The following ZNF417 variants were observed in gnomAD, a reference collection of about 807,000 sequenced individuals.
The protein encoded by ZNF417 is zinc finger protein 417.
Under a neutral mutation model 7.4 loss-of-function variants are expected in ZNF417, and 5 were observed. The observed-to-expected ratio is 0.68, with a 90% CI of 0.35 to 1.43. The LOEUF (loss-of-function observed/expected upper bound fraction) is 1.43, where lower values mean the gene tolerates loss of function less well. ZNF417 is among the 40% of genes most tolerant of loss of function. The pLI, the probability that ZNF417 is intolerant of heterozygous loss-of-function variation, is 0.04. For missense variants in ZNF417, 437 were observed against 697.3 expected (o/e 0.63, Z 4.20); for synonymous variants, 147 against 239.1 (o/e 0.61, Z 3.55).
rs867838874 is a variant in ZNF417 at position 57,906,576 on chromosome 19, C to T, written c.*1974G>A. 1.9e-4 allele frequency among the ~76,000 whole-genome samples: 29 copies of T among 151,250 alleles called. No homozygotes were observed. Among genetic ancestry groups the T allele is most frequent in the African/African-American group, 6.6e-4 (27 of 41,204 alleles). On this transcript the variant is annotated 3_prime_UTR_variant, in exon 3 of 3. Transcript: ENST00000312026. ...ACAAGTTTGAGACCAGCCTGGCTAA[C>T]GTAGTGAAAGCCCATCTCTACTAAA...
chr19:57,914,612 T>C (rs113056728), intron 1 of ZNF417, among the ~76,000 whole-genome samples: 4,623 of 152,184 alleles, frequency 0.03, 244 homozygotes, highest in African/African-American at 0.11. Flanking sequence ...ACCTGGATTA[T>C]GGCAGGAGCC....
chr19:57,908,652 G>A lies in ZNF417; in HGVS notation c.1626C>T (p.His542=), dbSNP rs780741546. Residue 542 remains histidine, a synonymous_variant, in exon 3 of 3, where the codon CAC becomes CAT. Coordinates refer to ENST00000312026, the MANE Select transcript of ZNF417 (RefSeq NM_152475.3). ...TACATTCATAAGGCCTTTCTCCAGT[G>A]TGAATTCTCCTGTGTTTAATGAGAC... The part of the protein sequence containing the change: ...CSSLIKHRRI[H]TGERPYECTK... 1.7e-5 allele frequency: 28 copies of A among 1,614,012 alleles called. No homozygotes were observed. Among genetic ancestry groups the A allele is most frequent in the Non-Finnish European group, 1.9e-5 (23 of 1,180,034 alleles).
rs180928016 is a variant in ZNF417 at position 57,906,321 on chromosome 19, G to A, written c.*2229C>T. Among the ~76,000 whole-genome samples, 207 of 152,248 alleles carry A rather than the reference G, an allele frequency of 1.4e-3. 1 individual carries two copies. The highest frequency in any genetic ancestry group is 4.8e-3 in the African/African-American group (199 of 41,548). On this transcript the variant is annotated 3_prime_UTR_variant, in exon 3 of 3. Transcript: ENST00000312026. ...CTATTTCATGTATGTGCCTGTATGTGCTTATATAACATGCTGTAATACAAG... is the reference window on the plus strand; with the variant it reads ...CTATTTCATGTATGTGCCTGTATGTACTTATATAACATGCTGTAATACAAG...
At position 57,905,881 on chromosome 19, in the gene ZNF417, G is replaced by T. The variant is rs1342724442; in HGVS notation, c.*2669C>A. 6.6e-6 allele frequency among the ~76,000 whole-genome samples: 1 copy of T among 152,208 alleles called. No individual in the cohort carries two copies. Among genetic ancestry groups the T allele is most frequent in the South Asian group, 2.1e-4 (1 of 4,826 alleles). On this transcript the variant is annotated 3_prime_UTR_variant, in exon 3 of 3. Transcript: ENST00000312026. ...CTTCATAAGAGAATTAACAAAAGTT[G>T]TATTAATTCAAGACAAGAGCCTGCA... is the stretch of plus-strand genomic sequence containing the variant.
At chr19:57,910,913 T>C (rs7255565) in intron 2 of ZNF417, among the ~76,000 whole-genome samples, 109,278 of 152,096 alleles carry the variant, frequency 0.72, 40,391 homozygotes, top group African/African-American at 0.91. Context: ...GGTGTGGTGG[T>C]GCAGGCCTGT....
Position 57,907,726 on chromosome 19 carries a change from GAA to G in ZNF417, c.*822_*823del. 6.5e-6 allele frequency: 1 copy of G among 154,134 alleles called. No individual in the cohort carries two copies. Among genetic ancestry groups the G allele is most frequent in the Middle Eastern group, 5.2e-4 (1 of 1,906 alleles). 9.5% of individuals were successfully genotyped at this position (154,134 alleles called of 1,614,324 possible). A position where few individuals can be genotyped will look rare whatever the true frequency, so the allele number is the denominator to read the frequency against. ...GTGGGGAAATGGGCATGTGGCCCCT[GAA>G]AAAAGATTCTGGATTCCATAATCTC... On this transcript the variant is annotated 3_prime_UTR_variant, in exon 3 of 3. Transcript: ENST00000312026.
Position 57,916,385 on chromosome 19 carries a change from C to A in ZNF417, c.27G>T (p.Pro9=). MAAAAPRR[P]TQQGTVTFED... ...CAGAAGGCGCCACAATTACCTGAGT[C>A]GGGCGCCTCGGCGCAGCCGCTGCCA... The change falls in exon 1 of 3, where the codon CCG becomes CCT. Residue 9 remains proline, a synonymous_variant. Transcript: ENST00000312026. The A allele has an allele frequency of 6.2e-7, 1 of 1,614,164 alleles. No homozygotes were observed. Among genetic ancestry groups the A allele is most frequent in the Non-Finnish European group, 8.5e-7 (1 of 1,180,056 alleles).
rs74482875 is a variant in ZNF417 at position 57,915,323 on chromosome 19, T to G, written c.33+1056A>C. Reference sequence around the variant, plus strand: ...TCCTTTATTCAAAACTCTCCATGGCTTCTAGCGTCCTCACCTTGAATGCAC... The same window carrying G: ...TCCTTTATTCAAAACTCTCCATGGCGTCTAGCGTCCTCACCTTGAATGCAC... On this transcript the variant is annotated intron_variant, in intron 1 of 2. Coordinates refer to ENST00000312026, the MANE Select transcript of ZNF417 (RefSeq NM_152475.3). The G allele has an allele frequency of 6.7e-3, 1,331 of 198,530 alleles. 8 individuals are homozygous for G. The highest frequency in any genetic ancestry group is 0.01 in the Non-Finnish European group (996 of 97,662). The allele number at this position is 198,530 out of a possible 1,614,324, so 12.3% of individuals were successfully genotyped here.
intron 1 of ZNF417, among the ~76,000 whole-genome samples, chr19:57,915,891 CT>C (rs1825703016): frequency 2.0e-5 from 3 of 152,198 alleles, no homozygotes; most frequent in Admixed American, 6.5e-5. Flanking sequence ...AGATCCTGCA[CT>C]GGATGGATCA....
rs151010807 is a variant in ZNF417 at position 57,912,141 on chromosome 19, C to A, written c.82G>T (p.Glu28Ter). 3.7e-3 allele frequency: 5,897 copies of A among 1,612,734 alleles called. 15 individuals are homozygous for A. Among genetic ancestry groups the A allele is most frequent in the Non-Finnish European group, 4.6e-3 (5,373 of 1,179,506 alleles). The change falls in exon 2 of 3, where the codon GAG (glutamate) becomes TAG (stop). Residue 28 changes from glutamate (E) to a stop codon, truncating the protein, a stop_gained. Coordinates refer to ENST00000312026, the MANE Select transcript of ZNF417 (RefSeq NM_152475.3). LOFTEE classifies it high-confidence loss of function. ...TGAGCCTCACTAAGAAGACACCACT[C>A]CTCCTGGGAAAAGTTCACAGCCACA... ...EDVAVNFSQE[E>*]WCLLSEAQRC...
chr19:57,910,434 C>T (rs1425113728), intron 2 of ZNF417, among the ~76,000 whole-genome samples: 2 of 151,306 alleles, frequency 1.3e-5, no homozygotes, highest in Non-Finnish European at 2.9e-5. Context: ...TAATCCCAGC[C>T]ACTCGGGAGG....
intron 1 of ZNF417, among the ~76,000 whole-genome samples, chr19:57,912,802 AG>A (rs2122534967): frequency 6.6e-6 from 1 of 151,018 alleles, no homozygotes; most frequent in Non-Finnish European, 1.5e-5. Context: ...TTTGGTAGAG[AG>A]GGGGTTTCAC....
Position 57,908,263 on chromosome 19 carries a change from G to A in ZNF417, c.*287C>T. On this transcript the variant is annotated 3_prime_UTR_variant, in exon 3 of 3. Transcript: ENST00000312026. The stretch of plus-strand genomic sequence containing the variant: ...TACTGAAAACCAAGTATTTGGCCGG[G>A]CATGGTGTGGTGTACTCGTAATCTC... The A allele has an allele frequency of 2.1e-6, 1 of 478,754 alleles. No homozygotes were observed. Among genetic ancestry groups the A allele is most frequent in the Non-Finnish European group, 3.8e-6 (1 of 265,554 alleles). 29.7% of individuals were successfully genotyped at this position (478,754 alleles called of 1,614,324 possible). A position where few individuals can be genotyped will look rare whatever the true frequency, so the allele number is the denominator to read the frequency against.
At chr19:57,915,096 C>G (rs1568530840) in intron 1 of ZNF417, among the ~76,000 whole-genome samples, 1 of 152,186 alleles carries the variant, frequency 6.6e-6, no homozygotes, top group Non-Finnish European at 1.5e-5. Flanking sequence ...TCCCTGAACC[C>G]TTTCTTGTCC....
At chr19:57,915,657 G>T (rs1381397342) in intron 1 of ZNF417, 1 of 383,324 alleles carries the variant, frequency 2.6e-6, no homozygotes, top group Admixed American at 4.4e-5. Flanking sequence ...TTCAGTTCAT[G>T]GTTTCACTCT....
chr19:57,914,314 C>G (rs1177623829), intron 1 of ZNF417, among the ~76,000 whole-genome samples: 5 of 151,710 alleles, frequency 3.3e-5, no homozygotes, highest in African/African-American at 4.8e-5. Context: ...GATGAAACCC[C>G]GTTTCTACTA....
rs2071857075 is a variant in ZNF417, at chr19:57,908,454, G to C, written c.*96C>G. ...AGAGCAGACATTCTGATGTTTCCCAGATTGACAGCACTCATAAGGCCTTTC... is the reference window on the plus strand; with the variant it reads ...AGAGCAGACATTCTGATGTTTCCCACATTGACAGCACTCATAAGGCCTTTC... On this transcript the variant is annotated 3_prime_UTR_variant, in exon 3 of 3. Transcript: ENST00000312026. 11 of 1,596,262 alleles carry C rather than the reference G, an allele frequency of 6.9e-6. No homozygotes were observed. The highest frequency in any genetic ancestry group is 9.4e-6 in the Non-Finnish European group (11 of 1,168,052).
rs1384837451 is a variant in ZNF417 at position 57,907,672 on chromosome 19, CTG to C, written c.*876_*877del. On this transcript the variant is annotated 3_prime_UTR_variant, in exon 3 of 3. Coordinates refer to ENST00000312026, the MANE Select transcript of ZNF417 (RefSeq NM_152475.3). ...GCCAAATTCACATTTACGGCCAAAA[CTG>C]TGGCTACAGTGTCGACATTCATGCA... 4 of 154,920 alleles carry C rather than the reference CTG, an allele frequency of 2.6e-5. No homozygotes were observed. Among genetic ancestry groups the C allele is most frequent in the African/African-American group, 9.6e-5 (4 of 41,530 alleles). 9.6% of individuals were successfully genotyped at this position (154,920 alleles called of 1,614,324 possible). A position where few individuals can be genotyped will look rare whatever the true frequency, so the allele number is the denominator to read the frequency against.
chr19:57,911,057 A>C (rs1311027623), intron 2 of ZNF417, among the ~76,000 whole-genome samples: 2 of 152,206 alleles, frequency 1.3e-5, no homozygotes, highest in African/African-American at 4.8e-5. Context: ...AAAAATATAA[A>C]TATAGAAGCA....
Sources: gnomAD v4.1 joint callset for allele counts (sites outside exome capture counted in the v4.1 genomes callset) on GRCh38, gnomAD v4.1.1 for gene constraint, MANE v1.5 for transcripts, NCBI Gene and HGNC (gene_info 2026-07-23, HGNC 2026-07-21) for gene names.